SOS2: variants seen among roughly 807,000 people sequenced by gnomAD.
SOS2 encodes son of sevenless homolog 2.
A neutral mutation model predicts 148.2 loss-of-function variants in SOS2; 65 were observed. That is an observed-to-expected ratio of 0.44 (90% confidence interval 0.36 to 0.54). The LOEUF is 0.54. SOS2 is among the 20% of genes least tolerant of loss of function. The probability of loss-of-function intolerance (pLI) is 0.00; values close to 1 mark genes in which losing one functional copy is unlikely to be tolerated. For synonymous variants in SOS2, 539 were observed against 537.1 expected, an observed-to-expected ratio of 1.00 and a Z score of -0.05; for missense variants, 1,341 against 1,590.2, an observed-to-expected ratio of 0.84 and a Z score of 2.67.
In SOS2 at chr14:50,118,519, T is replaced by C. The variant is rs371619971; in HGVS notation, c.3824A>G (p.Tyr1275Cys). The C allele has an allele frequency of 8.1e-6, 13 of 1,614,112 alleles. No individual in the cohort carries two copies. Among genetic ancestry groups the C allele is most frequent in the African/African-American group, 4.0e-5 (3 of 75,004 alleles). ...TPSPRVPRRC[Y>C]VLSSSQNNLA... ...ATTATTCTGACTAGAACTGAGCACA[T>C]AGCATCGACGCGGTACCCTTGGAGA... The change falls in exon 23 of 23, where the codon TAT becomes TGT. Residue 1275 changes from tyrosine to cysteine, a missense_variant. Transcript: ENST00000216373.
rs149069039 is a variant in SOS2, at chr14:50,158,988, T to A, written c.1853-342A>T. Among the ~76,000 whole-genome samples the A allele has an allele frequency of 9.7e-3, 1,469 of 151,662 alleles. 28 individuals are homozygous for A. The highest frequency in any genetic ancestry group is 0.033 in the African/African-American group (1,384 of 41,320). ...TCACGAGGTCAGGAGATCGAAACCA[T>A]CCTGGCTAACACGGTGAAACCCCAT... On this transcript the variant is annotated intron_variant, in intron 10 of 22. Transcript: ENST00000216373.
intron 21 of SOS2, among the ~76,000 whole-genome samples, chr14:50,123,518 G>T (rs1005946036): frequency 3.6e-4 from 55 of 152,000 alleles, no homozygotes; most frequent in African/African-American, 1.3e-3. Flanking sequence ...AGTATGCTGG[G>T]ATTACAGGTG....
intron 22 of SOS2, among the ~76,000 whole-genome samples, chr14:50,119,974 G>A (rs1015044040): frequency 1.3e-5 from 2 of 151,738 alleles, no homozygotes; most frequent in Admixed American, 1.3e-4. Context: ...ACCACACCCA[G>A]CTAATTTTTT....
upstream of SOS2, among the ~76,000 whole-genome samples, chr14:50,231,756 C>T (rs1475371338): frequency 2.0e-4 from 31 of 152,122 alleles, no homozygotes; most frequent in Admixed American, 2.0e-3. Context: ...CCGCCCGGCC[C>T]TGCCCACTCG....
intron 14 of SOS2, 45 bp from the exon 15 acceptor site, chr14:50,145,641 T>C (rs760711816): frequency 7.8e-7 from 1 of 1,279,382 alleles, no homozygotes; most frequent in East Asian, 2.3e-5. Context: ...AAAGGATTTG[T>C]ATTACTTAAA....
At chr14:50,186,549 AGAAG>A (rs1329049296) in intron 5 of SOS2, among the ~76,000 whole-genome samples, 1 of 151,920 alleles carries the variant, frequency 6.6e-6, no homozygotes, top group African/African-American at 2.4e-5. Flanking sequence ...TGGGGGGCTG[AGAAG>A]GAAGACTGCT....
rs148019428 is a variant in SOS2 at position 50,159,650 on chromosome 14, G to A, written c.1633C>T (p.Arg545Cys). 1.7e-5 allele frequency: 28 copies of A among 1,613,426 alleles called. No homozygotes were observed. Among genetic ancestry groups the A allele is most frequent in the African/African-American group, 2.7e-5 (2 of 74,858 alleles). The change falls in exon 10 of 23, where the codon CGT (arginine) becomes TGT (cysteine). Residue 545 changes from arginine (R) to cysteine (C), a missense_variant. By Grantham distance (180) the Arg-to-Cys change is radical. This residue lies in a region of SOS2 where 574 missense variants were observed against 711.1 expected (regional missense o/e 0.81). Transcript: ENST00000216373. ...WMAALISLHY[R>C]STLDRMLDSV... ...TCTAACATTCGATCTAGAGTACTAC[G>A]ATAATGAAGAGAAATAAGGGCTGCC...
chr14:50,204,306 G>A lies in SOS2; in HGVS notation c.191C>T (p.Pro64Leu). 14 of 1,603,706 alleles carry A rather than the reference G, an allele frequency of 8.7e-6. No homozygotes were observed. The highest frequency in any genetic ancestry group is 1.1e-5 in the Non-Finnish European group (13 of 1,174,540). ...QLLNKLCMAQ[P>L]RTVQDVEERV... ...TACCTCTACATCTTGAACAGTCCTT[G>A]GCTGGGCCATGCATAATTTATTAAG... is the stretch of plus-strand genomic sequence containing the variant. The change falls in exon 2 of 23, where the codon CCA (proline) becomes CTA (leucine). Residue 64 changes from proline (P) to leucine (L), a missense_variant. Pro to Leu is a moderately conservative substitution (Grantham distance 98). Transcript: ENST00000216373.
chr14:50,148,845 T>G (rs549208091), intron 14 of SOS2, among the ~76,000 whole-genome samples: 1 of 152,342 alleles, frequency 6.6e-6, no homozygotes, highest in South Asian at 2.1e-4. Flanking sequence ...TTCTTGCTTT[T>G]CCCTGTGTAA....
intron 18 of SOS2, among the ~76,000 whole-genome samples, chr14:50,136,969 G>T (rs1182064129): frequency 2.0e-5 from 3 of 152,156 alleles, no homozygotes; most frequent in Non-Finnish European, 4.4e-5. Context: ...CGGGAACAAA[G>T]AAGTTTCTAT....
chr14:50,174,225 C>G (rs528273830), intron 8 of SOS2, among the ~76,000 whole-genome samples: 90 of 151,884 alleles, frequency 5.9e-4, no homozygotes, highest in Middle Eastern at 3.4e-3. Flanking sequence ...TGGGTCCCAG[C>G]TAAGAGAGGA....
intron 1 of SOS2, among the ~76,000 whole-genome samples, chr14:50,208,838 A>G (rs530038673): frequency 1.3e-5 from 2 of 152,328 alleles, no homozygotes; most frequent in East Asian, 3.9e-4. Context: ...ATTGGTAAAG[A>G]AGAAACAAAT....
intron 5 of SOS2, among the ~76,000 whole-genome samples, chr14:50,184,049 T>C (rs1225381823): frequency 6.6e-6 from 1 of 152,222 alleles, no homozygotes; most frequent in African/African-American, 2.4e-5. Flanking sequence ...TGTTAAGTAT[T>C]TGTGTATCTA....
intron 1 of SOS2, chr14:50,230,971 C>T: frequency 1.1e-6 from 1 of 938,366 alleles, no homozygotes; most frequent in South Asian, 5.4e-5. Context: ...ACATGAAATC[C>T]AGTTTTATGA....
upstream of SOS2, among the ~76,000 whole-genome samples, chr14:50,231,819 G>T (rs1024053586): frequency 2.0e-5 from 3 of 152,132 alleles, no homozygotes; most frequent in African/African-American, 7.2e-5. Context: ...TCGGGCGAGC[G>T]AGCCTCGCTA....
At chr14:50,185,016 T>C (rs763289189) in intron 5 of SOS2, among the ~76,000 whole-genome samples, 6 of 152,178 alleles carry the variant, frequency 3.9e-5, no homozygotes, top group Admixed American at 6.5e-5. Flanking sequence ...TGTGCCCCTA[T>C]ACTTTGCCCT....
At chr14:50,179,063 A>G (rs956963637) in intron 7 of SOS2, among the ~76,000 whole-genome samples, 3 of 152,116 alleles carry the variant, frequency 2.0e-5, no homozygotes, top group African/African-American at 7.2e-5. Flanking sequence ...GAACCAAGAG[A>G]TAAGAGCAGT....
At position 50,178,668 on chromosome 14, in the gene SOS2, GTGCATA is replaced by G. The variant is rs1184602379; in HGVS notation, c.969+1898_969+1903del. On this transcript the variant is annotated intron_variant, in intron 7 of 22. Coordinates refer to ENST00000216373, the MANE Select transcript of SOS2 (RefSeq NM_006939.4). ...CGCTAGTGTGTGTGTGTGTGTGTGT[GTGCATA>G]TATATATATATATATATATATATAT... 1.7e-3 allele frequency among the ~76,000 whole-genome samples: 117 copies of G among 68,412 alleles called. 1 individual carries two copies. The highest frequency in any genetic ancestry group is 4.1e-3 in the Admixed American group (34 of 8,366). 44.9% of individuals were successfully genotyped at this position (68,412 alleles called of 152,430 possible).
chr14:50,189,087 A>ACG (rs1369051791), intron 4 of SOS2, among the ~76,000 whole-genome samples: 7 of 150,450 alleles, frequency 4.7e-5, no homozygotes, highest in Non-Finnish European at 1.0e-4. Flanking sequence ...ACACACACAC[A>ACG]CACACACACA....
Sources: gnomAD v4.1 joint callset for allele counts (sites outside exome capture counted in the v4.1 genomes callset) on GRCh38, gnomAD v4.1.1 for gene constraint, gnomAD v4.1.1 regional missense constraint, MANE v1.5 for transcripts, NCBI Gene and HGNC (gene_info 2026-07-23, HGNC 2026-07-21) for gene names.